NIN: variants seen among roughly 807,000 people sequenced by gnomAD.
The protein encoded by NIN is glycogen synthase kinase 3 beta-interacting protein.
Under a neutral mutation model 257.6 loss-of-function variants are expected in NIN, and 137 were observed. The ratio of observed to expected loss-of-function variants is 0.53; its 90% CI spans 0.46 to 0.61. The LOEUF (loss-of-function observed/expected upper bound fraction) is 0.61, where lower values mean the gene tolerates loss of function less well. Ranked by LOEUF, NIN falls within the 20% of genes least tolerant of loss-of-function variation. The pLI is 0.00. For synonymous variants in NIN, 918 were observed against 919.8 expected (o/e 1.00, Z 0.04); for missense variants, 2,439 against 2,501.2 (o/e 0.98, Z 0.53).
intron 6 of NIN, 96 bp from the exon 7 acceptor site, chr14:50,777,235 G>GT (rs1477747207): frequency 1.1e-6 from 1 of 947,564 alleles, no homozygotes; most frequent in East Asian, 2.5e-5. Context: ...AATAAATACT[G>GT]TAAGAAAAAG....
chr14:50,727,132 A>ATGGC (rs61132277), intron 29 of NIN: 11 of 372,728 alleles, frequency 3.0e-5, no homozygotes, highest in African/African-American at 2.4e-4. Flanking sequence ...TAAATACAAA[A>ATGGC]TGATGTCTAT....
chr14:50,765,950 T>C (rs2042467633), intron 14 of NIN, among the ~76,000 whole-genome samples: 1 of 151,694 alleles, frequency 6.6e-6, no homozygotes, highest in South Asian at 2.1e-4. Flanking sequence ...CTGCACCCAC[T>C]AACTCGTCAT....
intron 3 of NIN, among the ~76,000 whole-genome samples, chr14:50,808,269 CT>C (rs2142223410): frequency 6.6e-6 from 1 of 152,338 alleles, no homozygotes; most frequent in Non-Finnish European, 1.5e-5. Context: ...GGTCCTGCTA[CT>C]GTCCCAGAGT....
chr14:50,752,943 C>G (rs1395663791), intron 20 of NIN, among the ~76,000 whole-genome samples: 2 of 152,178 alleles, frequency 1.3e-5, no homozygotes, highest in Non-Finnish European at 2.9e-5. Context: ...AGTCTGACCC[C>G]ACTCTACAGG....
At chr14:50,811,217 T>C (rs1213725390) in intron 3 of NIN, among the ~76,000 whole-genome samples, 1 of 151,250 alleles carries the variant, frequency 6.6e-6, no homozygotes, top group African/African-American at 2.4e-5. Flanking sequence ...CAAGCAATTC[T>C]CCTGCCTCAG....
In NIN at chr14:50,784,783, C is replaced by A. The variant is rs1335950836; in HGVS notation, c.436-5979G>T. Among the ~76,000 whole-genome samples the A allele has an allele frequency of 2.6e-5, 4 of 152,212 alleles. No individual in the cohort carries two copies. The South Asian group carries it at 8.3e-4, about 32-fold the overall frequency. On this transcript the variant is annotated intron_variant, in intron 5 of 30. Transcript: ENST00000530997. Reference sequence around the variant, plus strand: ...AAATCCCCAGAACTACAGCTATGAGCATGATGATTGTGATGAAGCAGTGAA... The same window carrying A: ...AAATCCCCAGAACTACAGCTATGAGAATGATGATTGTGATGAAGCAGTGAA...
intron 8 of NIN, among the ~76,000 whole-genome samples, 189 bp downstream of exon 8, chr14:50,772,760 T>A (rs2042785824): frequency 6.6e-6 from 1 of 152,232 alleles, no homozygotes; most frequent in South Asian, 2.1e-4. Context: ...TAGTGGTCTT[T>A]CCACTGTAAT....
Position 50,766,393 on chromosome 14 carries a change from C to G in NIN, c.1549G>C (p.Gly517Arg). The change falls in exon 14 of 31, where the codon GGT (glycine) becomes CGT (arginine). Residue 517 changes from glycine (G) to arginine (R), a missense_variant. Gly to Arg is a moderately radical substitution (Grantham distance 125). This residue lies in a region of NIN where 2,043 missense variants were observed against 2,050.2 expected (regional missense o/e 1.00). Transcript: ENST00000530997. ...TCAGCACTGCTAGGATCGAGGTCAC[C>G]AAACTAGAAGGGGAAAAGGGCAAAG... The part of the protein sequence containing the change: ...NLENVLAEKF[G>R]DLDPSSAEFF... 6.2e-7 allele frequency: 1 copy of G among 1,614,030 alleles called. No individual in the cohort carries two copies. Among genetic ancestry groups the G allele is most frequent in the Non-Finnish European group, 8.5e-7 (1 of 1,179,934 alleles).
intron 5 of NIN, among the ~76,000 whole-genome samples, chr14:50,779,103 A>G (rs887675786): frequency 2.0e-5 from 3 of 152,250 alleles, no homozygotes; most frequent in African/African-American, 7.2e-5. Flanking sequence ...ACCCAGCCAA[A>G]GCAAATATCC....
In NIN at chr14:50,757,631, C is replaced by T; in HGVS notation, c.3399G>A (p.Lys1133=). The T allele has an allele frequency of 6.2e-7, 1 of 1,614,168 alleles. No individual in the cohort carries two copies. The highest frequency in any genetic ancestry group is 2.2e-5 in the East Asian group (1 of 44,880). The change falls in exon 18 of 31, where the codon AAG becomes AAA. Residue 1133 remains lysine (K), a synonymous_variant. Transcript: ENST00000530997. ...GCCGCCTGGTCACACCTTCTACTTG[C>T]TTCGTTCGGTTTTGCTGTAAAAACT... ...TEQFLQQNRT[K]QVEGVTRRHV...
At chr14:50,818,106 G>A (rs1305166879) in intron 3 of NIN, among the ~76,000 whole-genome samples, 2 of 151,660 alleles carry the variant, frequency 1.3e-5, no homozygotes, top group Non-Finnish European at 2.9e-5. Context: ...GGCGGATCAC[G>A]AGGTCAGGAG....
rs1371124006 is a variant in NIN, at chr14:50,770,375, A to C, written c.1434+13T>G. ...GGCAGGGACGCAGACCACAGAACTA[A>C]TAAGATGATTACCTTTAAAGAGAGG... On this transcript the variant is annotated intron_variant, in intron 12 of 30. Coordinates refer to ENST00000530997, the MANE Select transcript of NIN (RefSeq NM_020921.4). 2 of 1,613,450 alleles carry C rather than the reference A, an allele frequency of 1.2e-6. No individual in the cohort carries two copies. The highest frequency in any genetic ancestry group is 1.7e-4 in the Middle Eastern group (1 of 6,054).
Position 50,758,189 on chromosome 14 carries a change from T to G in NIN, c.2841A>C (p.Glu947Asp), listed in dbSNP as rs767106550. The G allele has an allele frequency of 1.9e-6, 3 of 1,614,058 alleles. No individual in the cohort carries two copies. In the Admixed American group the frequency reaches 5.0e-5, roughly 27 times the overall value. The change falls in exon 18 of 31, where the codon GAA (glutamate) becomes GAC (aspartate). Residue 947 changes from glutamate (E) to aspartate (D), a missense_variant. Physicochemically the swap from Glu to Asp is conservative, Grantham distance 45. This residue lies in a region of NIN where 2,043 missense variants were observed against 2,050.2 expected (regional missense o/e 1.00). Transcript: ENST00000530997. ...ACAGGACCTCCTCACGCTCCCTCAG[T>G]TCCCTTTTGTGACTGCTCTTCAGCT... ...ILELKSSHKR[E>D]LREREEVLCQ...
At chr14:50,778,902 A>G (rs1221734809) in intron 5 of NIN, 98 bp from the exon 6 acceptor site, 2 of 1,254,758 alleles carry the variant, frequency 1.6e-6, no homozygotes, top group Non-Finnish European at 2.3e-6. Flanking sequence ...CTCTGAAATC[A>G]TCATCTAAGT....
In NIN at chr14:50,778,888, C is replaced by T. The variant is rs45608433; in HGVS notation, c.436-84G>A. ...AGCTTTTCCTAGAGCAGATCACTCT[C>T]TGGCTCTGAAATCATCATCTAAGTG... is the stretch of plus-strand genomic sequence containing the variant. On this transcript the variant is annotated intron_variant, in intron 5 of 30. Coordinates refer to ENST00000530997, the MANE Select transcript of NIN (RefSeq NM_020921.4). 3,707 of 1,399,066 alleles carry T rather than the reference C, an allele frequency of 2.6e-3. 11 individuals carry two copies. The highest frequency in any genetic ancestry group is 3.5e-3 in the Non-Finnish European group (3,453 of 986,912). 86.7% of individuals were successfully genotyped at this position (1,399,066 alleles called of 1,614,324 possible). A position where few individuals can be genotyped will look rare whatever the true frequency, so the allele number is the denominator to read the frequency against.
chr14:50,825,045 C>T (rs1225007564), intron 2 of NIN, among the ~76,000 whole-genome samples: 2 of 152,214 alleles, frequency 1.3e-5, no homozygotes, highest in Non-Finnish European at 2.9e-5. Flanking sequence ...CAAGTCCCCT[C>T]GATTACAGCA....
At chr14:50,727,765 G>C in intron 29 of NIN, 1 of 1,419,970 alleles carries the variant, frequency 7.0e-7, no homozygotes. Flanking sequence ...GAGAAAGAAG[G>C]CAAGTAGTAC....
At chr14:50,739,090 TA>T (rs1357732310) in intron 26 of NIN, among the ~76,000 whole-genome samples, 3 of 152,216 alleles carry the variant, frequency 2.0e-5, no homozygotes, top group Non-Finnish European at 2.9e-5. Flanking sequence ...AAGTCACAAA[TA>T]TATTTTAATA....
chr14:50,829,961 C>G (rs528665193), intron 2 of NIN, among the ~76,000 whole-genome samples: 2 of 152,322 alleles, frequency 1.3e-5, no homozygotes, highest in Non-Finnish European at 2.9e-5. Flanking sequence ...AACCAAATGT[C>G]ATTTTGTTCT....
Sources: gnomAD v4.1 joint callset for allele counts (sites outside exome capture counted in the v4.1 genomes callset) on GRCh38, gnomAD v4.1.1 for gene constraint, gnomAD v4.1.1 regional missense constraint, MANE v1.5 for transcripts, NCBI Gene and HGNC (gene_info 2026-07-23, HGNC 2026-07-21) for gene names.